Variants in CAMKMT observed in about 807,000 individuals in gnomAD.
CAMKMT encodes the protein calmodulin-lysine N-methyltransferase.
A neutral mutation model predicts 48.0 loss-of-function variants in CAMKMT; 53 were observed. The ratio of observed to expected loss-of-function variants is 1.10; its 90% CI spans 0.89 to 1.39. The LOEUF (loss-of-function observed/expected upper bound fraction) is 1.39. Among genes scored for constraint, CAMKMT ranks in the 40% most tolerant of loss-of-function variants. CAMKMT has a pLI of 0.00. For missense variants in CAMKMT, 428 were observed against 402.7 expected (o/e 1.06, Z -0.54); for synonymous variants, 165 against 152.3 (o/e 1.08, Z -0.61).
intron 4 of CAMKMT, among the ~76,000 whole-genome samples, chr2:44,705,066 A>T (rs942097116): frequency 6.6e-6 from 1 of 152,152 alleles, no homozygotes; most frequent in African/African-American, 2.4e-5. Flanking sequence ...GCTCATTATG[A>T]TAGCAGATAA....
At chr2:44,368,189 T>A (rs1347643188) in intron 1 of CAMKMT, among the ~76,000 whole-genome samples, 2 of 152,234 alleles carry the variant, frequency 1.3e-5, no homozygotes, top group African/African-American at 4.8e-5. Flanking sequence ...AGAAAATGCC[T>A]TGACTATTCC....
intron 3 of CAMKMT, among the ~76,000 whole-genome samples, chr2:44,405,881 TAATTAGAAA>T (rs1682743017): frequency 6.6e-6 from 1 of 152,192 alleles, no homozygotes; most frequent in Non-Finnish European, 1.5e-5. Context: ...TGCTGGGTAA[TAATTAGAAA>T]GGAGACTTTG....
chr2:44,701,056 G>T (rs945115994), intron 3 of CAMKMT, among the ~76,000 whole-genome samples: 1 of 152,178 alleles, frequency 6.6e-6, no homozygotes, highest in Non-Finnish European at 1.5e-5. Flanking sequence ...GGACATTGGG[G>T]TTGTTTCCAC....
chr2:44,448,797 A>T (rs377070023), intron 3 of CAMKMT, among the ~76,000 whole-genome samples: 2 of 152,344 alleles, frequency 1.3e-5, no homozygotes, highest in East Asian at 3.9e-4. Context: ...ATATTTATTC[A>T]ATGGAATATT....
intron 3 of CAMKMT, among the ~76,000 whole-genome samples, chr2:44,449,361 T>C (rs986506176): frequency 5.9e-5 from 9 of 152,190 alleles, no homozygotes; most frequent in Admixed American, 2.6e-4. Context: ...TGTGCTGATA[T>C]ACCCTCAGCC....
chr2:44,552,491 GA>G (rs1352044441), intron 3 of CAMKMT, among the ~76,000 whole-genome samples: 1 of 152,058 alleles, frequency 6.6e-6, no homozygotes, highest in Non-Finnish European at 1.5e-5. Context: ...CAAAATCCTG[GA>G]ATCTTATGCA....
intron 3 of CAMKMT, among the ~76,000 whole-genome samples, chr2:44,666,763 C>A (rs1221533432): frequency 6.6e-6 from 1 of 152,144 alleles, no homozygotes; most frequent in East Asian, 1.9e-4. Flanking sequence ...GCGCGAGCCG[C>A]CATGCCCGGC....
intron 3 of CAMKMT, among the ~76,000 whole-genome samples, chr2:44,573,161 T>C (rs974607291): frequency 3.3e-5 from 5 of 152,116 alleles, no homozygotes; most frequent in African/African-American, 1.2e-4. Context: ...CTGTTAGTAA[T>C]AGTAATCTTT....
intron 3 of CAMKMT, among the ~76,000 whole-genome samples, chr2:44,467,495 C>T (rs1268755061): frequency 6.6e-6 from 1 of 151,154 alleles, no homozygotes; most frequent in East Asian, 1.9e-4. Flanking sequence ...GCTGTGATTG[C>T]ACCACTGCAC....
At chr2:44,484,563 A>G (rs908863339) in intron 3 of CAMKMT, among the ~76,000 whole-genome samples, 2 of 152,052 alleles carry the variant, frequency 1.3e-5, no homozygotes, top group Admixed American at 1.3e-4. Flanking sequence ...ACCATATACA[A>G]ATATCAATTT....
intron 3 of CAMKMT, among the ~76,000 whole-genome samples, chr2:44,554,834 C>T (rs536124118): frequency 1.3e-5 from 2 of 152,256 alleles, no homozygotes; most frequent in South Asian, 4.1e-4. Context: ...CATGATCATA[C>T]CCTGCACTCC....
At chr2:44,430,800 A>T (rs188996185) in intron 3 of CAMKMT, among the ~76,000 whole-genome samples, 81 of 152,330 alleles carry the variant, frequency 5.3e-4, no homozygotes, top group Admixed American at 2.1e-3. Flanking sequence ...AAATAAACTC[A>T]TTGGGTGGCA....
At chr2:44,456,647 G>C (rs1667579177) in intron 3 of CAMKMT, 1 of 1,540,880 alleles carries the variant, frequency 6.5e-7, no homozygotes, top group Non-Finnish European at 8.8e-7. Context: ...AATATGCCTG[G>C]GGAGATGGGA....
chr2:44,456,251 C>T (rs1228679150), intron 3 of CAMKMT, among the ~76,000 whole-genome samples: 1 of 152,018 alleles, frequency 6.6e-6, no homozygotes, highest in Non-Finnish European at 1.5e-5. Context: ...TGATGAAGGA[C>T]TTGAATTACA....
intron 7 of CAMKMT, among the ~76,000 whole-genome samples, chr2:44,733,519 C>A (rs183381290): frequency 6.6e-6 from 1 of 152,210 alleles, no homozygotes; most frequent in East Asian, 1.9e-4. Context: ...TTATGCCTGA[C>A]GTTAGGAAGA....
chr2:44,596,168 GC>G (rs1670644775), intron 3 of CAMKMT, among the ~76,000 whole-genome samples: 1 of 151,990 alleles, frequency 6.6e-6, no homozygotes, highest in Admixed American at 6.6e-5. Flanking sequence ...CGAATTCTTG[GC>G]TGGACACAGT....
At chr2:44,429,255 A>C (rs1002435737) in intron 3 of CAMKMT, among the ~76,000 whole-genome samples, 2 of 134,250 alleles carry the variant, frequency 1.5e-5, no homozygotes, top group Non-Finnish European at 3.1e-5. Flanking sequence ...GAGGTTTTAT[A>C]TATATGTGTG....
At chr2:44,654,719 T>A (rs1341701360) in intron 3 of CAMKMT, among the ~76,000 whole-genome samples, 1 of 152,214 alleles carries the variant, frequency 6.6e-6, no homozygotes, top group East Asian at 1.9e-4. Flanking sequence ...TTCGCCATGT[T>A]GGCCAGATTG....
intron 3 of CAMKMT, among the ~76,000 whole-genome samples, chr2:44,606,706 A>G (rs1336605519): frequency 6.6e-6 from 1 of 152,114 alleles, no homozygotes; most frequent in African/African-American, 2.4e-5. Context: ...AAAGTCATCC[A>G]ATTCAATGTT....
Sources: allele counts gnomAD v4.1 joint callset (sites outside exome capture counted in the v4.1 genomes callset), GRCh38; gene constraint gnomAD v4.1.1; transcripts MANE v1.5; gene names NCBI Gene and HGNC (gene_info 2026-07-23, HGNC 2026-07-21).